FDFT1: variants seen among roughly 807,000 people sequenced by gnomAD.
FDFT1 encodes the protein squalene synthase.
In FDFT1, 68 loss-of-function variants were observed where a neutral mutation model predicts 46.8. The ratio of observed to expected loss-of-function variants is 1.45; its 90% confidence interval spans 1.19 to 1.78. The LOEUF (loss-of-function observed/expected upper bound fraction) is 1.78. Among genes scored for constraint, FDFT1 ranks in the 40% most tolerant of loss-of-function variants. The pLI is 0.00. For synonymous variants in FDFT1, 351 were observed against 185.1 expected (o/e 1.90, Z -7.28); for missense variants, 928 against 524.4 (o/e 1.77, Z -7.52).
rs775005195 is a variant in FDFT1, at chr8:11,831,607, C to A, written c.969C>A (p.Thr323=). The change falls in exon 7 of 8, where the codon ACC becomes ACA. Residue 323 remains threonine (T), a synonymous_variant. Coordinates refer to ENST00000220584, the MANE Select transcript of FDFT1 (RefSeq NM_004462.5). ...AGATTCGGAAAGGGCAAGCAGTGAC[C>A]CTGATGATGGATGCCACCAATATGC... ...AVKIRKGQAV[T]LMMDATNMPA... is the part of the protein sequence containing the mutation. 1 of 1,613,868 alleles carries A rather than the reference C, an allele frequency of 6.2e-7. No individual in the cohort carries two copies. The highest frequency in any genetic ancestry group is 8.5e-7 in the Non-Finnish European group (1 of 1,179,774).
intron 5 of FDFT1, among the ~76,000 whole-genome samples, chr8:11,826,950 C>T (rs537796697): frequency 5.9e-5 from 9 of 152,288 alleles, no homozygotes; most frequent in Non-Finnish European, 1.0e-4. Context: ...AGAAAGAATT[C>T]TGCAGCAGGA....
At chr8:11,799,077 CAT>C (rs1411104139), upstream of FDFT1, among the ~76,000 whole-genome samples, 1 of 152,184 alleles carries the variant, frequency 6.6e-6, no homozygotes, top group Non-Finnish European at 1.5e-5. Flanking sequence ...ATTGAACAAA[CAT>C]GTATGTAATA....
intron 7 of FDFT1, among the ~76,000 whole-genome samples, chr8:11,835,178 C>T (rs1264492073): frequency 6.6e-6 from 1 of 152,156 alleles, no homozygotes; most frequent in Non-Finnish European, 1.5e-5. Context: ...GATGAAAAGT[C>T]GGCTATGACC....
At chr8:11,800,396 G>A (rs1805999762), upstream of FDFT1, among the ~76,000 whole-genome samples, 1 of 151,642 alleles carries the variant, frequency 6.6e-6, no homozygotes, top group Admixed American at 6.6e-5. Flanking sequence ...AAAGGAGACA[G>A]GGTCATTTAT....
chr8:11,809,918 G>A (rs1807468215), intron 3 of FDFT1, 68 bp downstream of exon 3: 22 of 1,238,820 alleles, frequency 1.8e-5, no homozygotes, highest in Non-Finnish European at 2.4e-5. Flanking sequence ...TTGTCCGGTA[G>A]CCTCCATACA....
chr8:11,816,081 C>T (rs148662539), intron 3 of FDFT1, among the ~76,000 whole-genome samples: 2,951 of 152,308 alleles, frequency 0.019, 44 homozygotes, highest in Middle Eastern at 0.048. Context: ...CAGCTTTCTA[C>T]ATATGGCAAG....
At chr8:11,810,235 G>A (rs189789510) in intron 3 of FDFT1, among the ~76,000 whole-genome samples, 166 of 152,318 alleles carry the variant, frequency 1.1e-3, no homozygotes, top group Non-Finnish European at 1.8e-3. Context: ...GTGGGAAGAC[G>A]CAGTCAAATT....
intron 4 of FDFT1, among the ~76,000 whole-genome samples, 197 bp from the exon 5 acceptor site, chr8:11,825,827 G>C (rs969301068): frequency 1.3e-5 from 2 of 152,162 alleles, no homozygotes; most frequent in East Asian, 3.8e-4. Flanking sequence ...CCGTCAGCCA[G>C]AGACTGCTAT....
intron 3 of FDFT1, among the ~76,000 whole-genome samples, chr8:11,819,191 C>CT (rs1228153028): frequency 1.3e-5 from 2 of 152,190 alleles, no homozygotes; most frequent in Non-Finnish European, 2.9e-5. Flanking sequence ...TCTCTTCTGG[C>CT]TAGTAGGGTT....
chr8:11,823,758 T>A (rs116286179), intron 4 of FDFT1, among the ~76,000 whole-genome samples: 2,079 of 152,178 alleles, frequency 0.014, 52 homozygotes, highest in African/African-American at 0.046. Flanking sequence ...TTTTTATTAT[T>A]TTTGAGACAG....
At chr8:11,828,775 A>G (rs1810365466) in intron 5 of FDFT1, among the ~76,000 whole-genome samples, 1 of 152,218 alleles carries the variant, frequency 6.6e-6, no homozygotes, top group Non-Finnish European at 1.5e-5. Context: ...ATGTGGTCCT[A>G]GGTGATTGGC....
At chr8:11,799,517 C>A (rs113097958), upstream of FDFT1, among the ~76,000 whole-genome samples, 9 of 152,142 alleles carry the variant, frequency 5.9e-5, no homozygotes, top group Admixed American at 2.0e-4. Context: ...GAGTCTGTTC[C>A]GTTAGTCTTA....
intron 1 of FDFT1, chr8:11,808,244 G>A (rs1382107602): frequency 1.7e-6 from 2 of 1,201,180 alleles, no homozygotes; most frequent in Non-Finnish European, 2.1e-6. Context: ...TTGGTCTAGG[G>A]AGACTCTGTC....
intron 7 of FDFT1, among the ~76,000 whole-genome samples, chr8:11,837,950 T>G (rs992121145): frequency 1.3e-5 from 2 of 152,180 alleles, no homozygotes; most frequent in Non-Finnish European, 2.9e-5. Context: ...TCCCCCTTTG[T>G]CAAGCTGTGG....
chr8:11,825,714 A>T (rs1809876223), intron 4 of FDFT1, among the ~76,000 whole-genome samples: 1 of 152,088 alleles, frequency 6.6e-6, no homozygotes, highest in African/African-American at 2.4e-5. Flanking sequence ...TAAAAATAAA[A>T]AAATGTTTAC....
intron 1 of FDFT1, 187 bp from the exon 2 acceptor site, chr8:11,808,607 C>T (rs1333378671): frequency 4.3e-6 from 6 of 1,391,140 alleles, no homozygotes; most frequent in East Asian, 5.7e-5. Flanking sequence ...GGGGCCCGGG[C>T]GCAGGCACCG....
chr8:11,836,337 G>T (rs1486626968), intron 7 of FDFT1, among the ~76,000 whole-genome samples: 1 of 152,218 alleles, frequency 6.6e-6, no homozygotes, highest in Non-Finnish European at 1.5e-5. Flanking sequence ...GGCCACTGCT[G>T]TAGCAACCAG....
chr8:11,837,868 T>A (rs1811752671), intron 7 of FDFT1, among the ~76,000 whole-genome samples: 1 of 152,036 alleles, frequency 6.6e-6, no homozygotes, highest in South Asian at 2.1e-4. Context: ...TTGGGAGGCT[T>A]GTGGAGGAGT....
intron 1 of FDFT1, among the ~76,000 whole-genome samples, chr8:11,806,863 A>G (rs2130700013): frequency 6.6e-6 from 1 of 152,332 alleles, no homozygotes; most frequent in South Asian, 2.1e-4. Context: ...ACTTCTGAAT[A>G]TATTTATGTG....
Sources: allele counts gnomAD v4.1 joint callset (sites outside exome capture counted in the v4.1 genomes callset), GRCh38; gene constraint gnomAD v4.1.1; transcripts MANE v1.5; gene names NCBI Gene and HGNC (gene_info 2026-07-23, HGNC 2026-07-21).